SPAG16: variants seen among roughly 807,000 people sequenced by gnomAD.
SPAG16 encodes sperm-associated antigen 16 protein.
Under a neutral mutation model 80.4 loss-of-function variants are expected in SPAG16, and 86 were observed. The observed-to-expected ratio is 1.07, with a 90% confidence interval of 0.90 to 1.28. SPAG16 has a LOEUF of 1.28. SPAG16 is among the 50% of genes most tolerant of loss of function. The pLI, the probability that SPAG16 is intolerant of heterozygous loss-of-function variation, is 0.00. For synonymous variants in SPAG16, 294 were observed against 265.9 expected, an observed-to-expected ratio of 1.11 and a Z score of -1.03; for missense variants, 870 against 765.3, an observed-to-expected ratio of 1.14 and a Z score of -1.61.
rs543411641 is a variant in SPAG16 at position 213,688,197 on chromosome 2, G to C, written c.1071-174288G>C. 2.0e-5 allele frequency among the ~76,000 whole-genome samples: 3 copies of C among 152,306 alleles called. No homozygotes were observed. The South Asian group carries it at 6.2e-4, about 32-fold the overall frequency. On this transcript the variant is annotated intron_variant, in intron 10 of 15. Coordinates refer to ENST00000331683, the MANE Select transcript of SPAG16 (RefSeq NM_024532.5). ...CTAAAGACCTTGGATCAACAGAAAG[G>C]AAATGTTCAGGTTAAGATAAAGATT... is the stretch of plus-strand genomic sequence containing the variant.
At chr2:214,364,402 C>T (rs1699359660) in intron 15 of SPAG16, among the ~76,000 whole-genome samples, 1 of 152,092 alleles carries the variant, frequency 6.6e-6, no homozygotes, top group Admixed American at 6.6e-5. Context: ...CCTCTGTGTT[C>T]CCATAGTACT....
At chr2:213,316,321 T>G (rs1220137443) in intron 4 of SPAG16, among the ~76,000 whole-genome samples, 2 of 151,990 alleles carry the variant, frequency 1.3e-5, no homozygotes, top group African/African-American at 4.8e-5. Flanking sequence ...TGGCCCCACC[T>G]TGACAGCATT....
chr2:213,598,236 A>G (rs1192418993), intron 10 of SPAG16, among the ~76,000 whole-genome samples: 1 of 152,148 alleles, frequency 6.6e-6, no homozygotes, highest in African/African-American at 2.4e-5. Flanking sequence ...TCTTCTATTA[A>G]TCTGCCTTTG....
intron 10 of SPAG16, among the ~76,000 whole-genome samples, chr2:213,532,988 GC>G (rs1311630598): frequency 3.0e-4 from 45 of 152,052 alleles, no homozygotes; most frequent in African/African-American, 1.0e-3. Context: ...AAGGAATACA[GC>G]CATTCAAAAA....
intron 15 of SPAG16, among the ~76,000 whole-genome samples, chr2:214,258,870 T>C (rs1690913732): frequency 6.6e-6 from 1 of 152,074 alleles, no homozygotes; most frequent in South Asian, 2.1e-4. Context: ...GGTTCTATTA[T>C]ATAATTTCAA....
intron 10 of SPAG16, among the ~76,000 whole-genome samples, chr2:213,709,040 A>T (rs1287559324): frequency 6.6e-6 from 1 of 152,128 alleles, no homozygotes; most frequent in African/African-American, 2.4e-5. Context: ...TTATTCTCTG[A>T]CTGCCCTCTA....
intron 15 of SPAG16, among the ~76,000 whole-genome samples, chr2:214,375,974 G>A (rs567145793): frequency 3.9e-5 from 6 of 151,928 alleles, no homozygotes; most frequent in Admixed American, 2.6e-4. Flanking sequence ...TTTCTTGGTG[G>A]CACATAAAAT....
At chr2:214,080,607 C>CA (rs34792958) in intron 13 of SPAG16, among the ~76,000 whole-genome samples, 15,669 of 77,174 alleles carry the variant, frequency 0.2, 1,082 homozygotes, top group Non-Finnish European at 0.25. Flanking sequence ...GACTCTGTCT[C>CA]AAAAAAAAAA....
intron 12 of SPAG16, among the ~76,000 whole-genome samples, chr2:213,971,374 A>C (rs1241566303): frequency 6.6e-6 from 1 of 152,138 alleles, no homozygotes; most frequent in Non-Finnish European, 1.5e-5. Flanking sequence ...AAATACTAAT[A>C]TATGCAAAAC....
intron 13 of SPAG16, among the ~76,000 whole-genome samples, chr2:214,095,692 G>T (rs927342419): frequency 2.6e-5 from 4 of 151,982 alleles, no homozygotes; most frequent in African/African-American, 7.2e-5. Context: ...AATTTGGGAA[G>T]TAAATACTAT....
rs1333520590 is a variant in SPAG16, at chr2:213,873,922, A to T, written c.1214+11294A>T. Reference sequence around the variant, plus strand: ...TGCTCTTCCAGGCTATATACCATAGACTATACAGACTATAGCATATTGCCA... The same window carrying T: ...TGCTCTTCCAGGCTATATACCATAGTCTATACAGACTATAGCATATTGCCA... On this transcript the variant is annotated intron_variant, in intron 11 of 15. Coordinates refer to ENST00000331683, the MANE Select transcript of SPAG16 (RefSeq NM_024532.5). 2.0e-5 allele frequency among the ~76,000 whole-genome samples: 3 copies of T among 152,280 alleles called. No individual in the cohort carries two copies. The East Asian group carries it at 5.8e-4, about 29-fold the overall frequency.
At chr2:213,506,931 T>C (rs1359160431) in intron 10 of SPAG16, among the ~76,000 whole-genome samples, 4 of 152,228 alleles carry the variant, frequency 2.6e-5, no homozygotes, top group African/African-American at 9.6e-5. Flanking sequence ...AGACATCATA[T>C]GCTTTCACAA....
chr2:213,409,223 G>T (rs913196056), intron 9 of SPAG16, among the ~76,000 whole-genome samples: 1 of 151,974 alleles, frequency 6.6e-6, no homozygotes. Context: ...GGGAATTTAT[G>T]CAAGAAATGT....
At chr2:214,400,686 C>T (rs1701657159) in intron 15 of SPAG16, among the ~76,000 whole-genome samples, 1 of 151,976 alleles carries the variant, frequency 6.6e-6, no homozygotes, top group African/African-American at 2.4e-5. Flanking sequence ...AATTCACTTG[C>T]TTAATAAGTC....
chr2:214,333,296 G>A (rs1205812701), intron 15 of SPAG16, among the ~76,000 whole-genome samples: 2 of 152,200 alleles, frequency 1.3e-5, no homozygotes, highest in Non-Finnish European at 2.9e-5. Context: ...CAATACTCTA[G>A]TTGGCTATCT....
At chr2:213,795,856 C>T (rs992202432) in intron 10 of SPAG16, among the ~76,000 whole-genome samples, 3 of 152,096 alleles carry the variant, frequency 2.0e-5, no homozygotes, top group South Asian at 4.1e-4. Context: ...CTGAGGACTC[C>T]GCAGAAGCAG....
At chr2:213,872,238 A>G (rs901584436) in intron 11 of SPAG16, among the ~76,000 whole-genome samples, 3 of 152,122 alleles carry the variant, frequency 2.0e-5, no homozygotes, top group African/African-American at 7.2e-5. Flanking sequence ...TCCCCTAGAG[A>G]GACAAGAGAG....
At chr2:213,582,893 C>A (rs2060343171) in intron 10 of SPAG16, among the ~76,000 whole-genome samples, 1 of 152,054 alleles carries the variant, frequency 6.6e-6, no homozygotes, top group African/African-American at 2.4e-5. Flanking sequence ...TTTTCTGAAG[C>A]AGTACTGTGC....
At chr2:214,005,844 C>G (rs964615063) in intron 12 of SPAG16, among the ~76,000 whole-genome samples, 1 of 152,066 alleles carries the variant, frequency 6.6e-6, no homozygotes. Context: ...ATATATAAAC[C>G]TTTACAGAAA....
Sources: gnomAD v4.1 joint callset for allele counts (sites outside exome capture counted in the v4.1 genomes callset) on GRCh38, gnomAD v4.1.1 for gene constraint, MANE v1.5 for transcripts, NCBI Gene and HGNC (gene_info 2026-07-23, HGNC 2026-07-21) for gene names.